Variants in ZNF106 observed in about 807,000 individuals in gnomAD.
ZNF106 encodes SH3-domain binding protein 3.
Under a neutral mutation model 195.1 loss-of-function variants are expected in ZNF106, and 67 were observed. That is an observed-to-expected ratio of 0.34 (90% CI 0.28 to 0.42). The LOEUF (loss-of-function observed/expected upper bound fraction) is 0.42. Ranked by LOEUF, ZNF106 falls within the 10% of genes least tolerant of loss-of-function variation. ZNF106 has a pLI of 1.00. For synonymous variants in ZNF106, 784 were observed against 818.6 expected, an observed-to-expected ratio of 0.96 and a Z score of 0.72; for missense variants, 2,118 against 2,304.5, an observed-to-expected ratio of 0.92 and a Z score of 1.66.
intron 7 of ZNF106, among the ~76,000 whole-genome samples, chr15:42,445,679 T>C (rs2055746217): frequency 6.6e-6 from 1 of 152,198 alleles, no homozygotes; most frequent in African/African-American, 2.4e-5. Flanking sequence ...CTATTCTCAA[T>C]CTGCTCCTCT....
In ZNF106 at chr15:42,417,948, G is replaced by A; in HGVS notation, c.5521C>T (p.His1841Tyr). 1.2e-6 allele frequency: 2 copies of A among 1,611,762 alleles called. No individual in the cohort carries two copies. The highest frequency in any genetic ancestry group is 1.7e-6 in the Non-Finnish European group (2 of 1,179,048). Residue 1841 changes from histidine to tyrosine, a missense_variant, in exon 21 of 22, where the codon CAT becomes TAT. By Grantham distance (83) the His-to-Tyr change is moderately conservative. Coordinates refer to ENST00000564754, the MANE Select transcript of ZNF106 (RefSeq NM_001366845.3). The part of the protein sequence containing the change: ...NLMQNYRCWW[H>Y]GCSLIFGVVD... ...ACGCCAAATATCAGAGAGCAACCAT[G>A]CCACTGGAGAGAAAGAAAATGAGGA...
intron 1 of ZNF106, among the ~76,000 whole-genome samples, chr15:42,483,088 C>T (rs1200855459): frequency 6.6e-6 from 1 of 152,136 alleles, no homozygotes; most frequent in Non-Finnish European, 1.5e-5. Context: ...TCAGGGCCTG[C>T]CCTAAAGTTA....
intron 3 of ZNF106, among the ~76,000 whole-genome samples, chr15:42,464,209 G>A (rs939793479): frequency 2.7e-5 from 4 of 147,250 alleles, no homozygotes; most frequent in Non-Finnish European, 6.1e-5. Context: ...ATGTGGTGAC[G>A]CACGCCTGTA....
chr15:42,428,846 C>T (rs1028825389), intron 14 of ZNF106, among the ~76,000 whole-genome samples: 12 of 152,204 alleles, frequency 7.9e-5, no homozygotes, highest in African/African-American at 2.9e-4. Context: ...TCACTGCAAG[C>T]TCCACCTCCC....
intron 11 of ZNF106, 118 bp from the exon 12 acceptor site, chr15:42,438,785 G>T: frequency 1.0e-6 from 1 of 962,034 alleles, no homozygotes; most frequent in Non-Finnish European, 1.6e-6. Flanking sequence ...AATGATATAA[G>T]AGATTAGATT....
rs1290203323 is a variant in ZNF106, at chr15:42,449,971, T to C, written c.2301A>G (p.Val767=). Residue 767 remains valine, a synonymous_variant, in exon 5 of 22, where the codon GTA becomes GTG. Transcript: ENST00000564754. The part of the protein sequence containing the change: ...RHISLKSKTG[V]HLPEPNLNSA... ...TATTGAGGTTTGGCTCAGGAAGGTG[T>C]ACTCCAGTTTTGCTCTTCAAACTAA... 3 of 1,614,086 alleles carry C rather than the reference T, an allele frequency of 1.9e-6. No individual in the cohort carries two copies. The highest frequency in any genetic ancestry group is 2.7e-5 in the African/African-American group (2 of 74,936).
In ZNF106 at chr15:42,477,208, A is replaced by G. The variant is rs2141436921; in HGVS notation, c.-32-4887T>C. Reference sequence around the variant, plus strand: ...CTTTATTACCTTTCATTTAACATACATTGGGTTTATTTTGTTCTTCATTTA... The same window carrying G: ...CTTTATTACCTTTCATTTAACATACGTTGGGTTTATTTTGTTCTTCATTTA... On this transcript the variant is annotated intron_variant, in intron 1 of 21. Coordinates refer to ENST00000564754, the MANE Select transcript of ZNF106 (RefSeq NM_001366845.3). Among the ~76,000 whole-genome samples, 2 of 152,198 alleles carry G rather than the reference A, an allele frequency of 1.3e-5. 1 individual carries two copies. The highest frequency in any genetic ancestry group is 4.1e-4 in the South Asian group (2 of 4,824).
At chr15:42,445,120 AT>A in intron 7 of ZNF106, 139 bp from the exon 8 acceptor site, 1 of 1,046,470 alleles carries the variant, frequency 9.6e-7, no homozygotes, top group Non-Finnish European at 1.4e-6. Context: ...TTCATAAAAC[AT>A]TTAGTCAAGC....
At position 42,451,829 on chromosome 15, in the gene ZNF106, C is replaced by A. The variant is rs1453093724; in HGVS notation, c.443G>T (p.Arg148Leu). ...ESYSQPAWHH[R>L]GPPQRDWKWE... The stretch of plus-strand genomic sequence containing the variant: ...TTTCCAATCCCGCTGTGGAGGTCCA[C>A]GATGATGCCATGCAGGCTGACTGTA... Residue 148 changes from arginine (R) to leucine (L), a missense_variant, in exon 5 of 22, where the codon CGT (arginine) becomes CTT (leucine). Physicochemically the swap from Arg to Leu is moderately radical, Grantham distance 102. Coordinates refer to ENST00000564754, the MANE Select transcript of ZNF106 (RefSeq NM_001366845.3). The A allele has an allele frequency of 1.2e-6, 2 of 1,614,056 alleles. No homozygotes were observed. Among genetic ancestry groups the A allele is most frequent in the Admixed American group, 1.7e-5 (1 of 60,010 alleles).
In ZNF106 at chr15:42,424,055, C is replaced by G. The variant is rs149423814; in HGVS notation, c.5196G>C (p.Val1732=). 1 of 1,612,576 alleles carries G rather than the reference C, an allele frequency of 6.2e-7. No homozygotes were observed. The highest frequency in any genetic ancestry group is 1.3e-5 in the African/African-American group (1 of 74,858). ...TGGAGCCACTGAACACGAGATCATT[C>G]ACCACCTTAAAGAAAAAATTAAACA... is the stretch of plus-strand genomic sequence containing the variant. ...HSKTILCMKV[V]NDLVFSGSSD... is the part of the protein sequence containing the mutation. Residue 1732 remains valine, a synonymous_variant, in exon 17 of 22, where the codon GTG becomes GTC. Coordinates refer to ENST00000564754, the MANE Select transcript of ZNF106 (RefSeq NM_001366845.3).
At chr15:42,464,649 G>T (rs2056472829) in intron 3 of ZNF106, among the ~76,000 whole-genome samples, 1 of 150,722 alleles carries the variant, frequency 6.6e-6, no homozygotes, top group Non-Finnish European at 1.5e-5. Context: ...ACCTCAGGCT[G>T]ATGAGTAGCT....
In ZNF106 at chr15:42,444,198, A is replaced by G; in HGVS notation, c.3421+4T>C. 6.2e-7 allele frequency: 1 copy of G among 1,606,844 alleles called. No individual in the cohort carries two copies. Among genetic ancestry groups the G allele is most frequent in the Non-Finnish European group, 8.5e-7 (1 of 1,175,510 alleles). ...GCCCAATCCATCAGATGCCCTCTGAATACCTTGTAATCCCTGTAGAATCTG... is the reference window on the plus strand; with the variant it reads ...GCCCAATCCATCAGATGCCCTCTGAGTACCTTGTAATCCCTGTAGAATCTG... On this transcript the variant is annotated splice_donor_region_variant and intron_variant, in intron 9 of 21. Transcript: ENST00000564754.
At chr15:42,421,162 C>T in intron 19 of ZNF106, 30 bp from the exon 20 acceptor site, 1 of 1,595,068 alleles carries the variant, frequency 6.3e-7, no homozygotes, top group Non-Finnish European at 8.6e-7. Context: ...TAATATCAGA[C>T]CAAAATACAT....
chr15:42,425,020 G>T lies in ZNF106; in HGVS notation c.5004C>A (p.Asn1668Lys). The T allele has an allele frequency of 6.2e-7, 1 of 1,613,236 alleles. No individual in the cohort carries two copies. Residue 1668 changes from asparagine to lysine, a missense_variant, in exon 16 of 22, where the codon AAC becomes AAA. Transcript: ENST00000564754. ...GTVVTFNIKNNKRLEIFECHG... is the reference protein window; with the variant it reads ...GTVVTFNIKNKKRLEIFECHG... ...GGCATTCAAAGATCTCAAGTCGTTTGTTGTTCTGGAAAATAAGCCAAGATT... is the reference window on the plus strand; with the variant it reads ...GGCATTCAAAGATCTCAAGTCGTTTTTTGTTCTGGAAAATAAGCCAAGATT...
At chr15:42,463,252 G>A (rs1053911383) in intron 3 of ZNF106, among the ~76,000 whole-genome samples, 1 of 152,072 alleles carries the variant, frequency 6.6e-6, no homozygotes, top group Admixed American at 6.6e-5. Flanking sequence ...AGGGTGGCAG[G>A]TAAGTCACCC....
At chr15:42,482,587 G>A (rs1417930622) in intron 1 of ZNF106, among the ~76,000 whole-genome samples, 1 of 137,822 alleles carries the variant, frequency 7.3e-6, no homozygotes, top group Non-Finnish European at 1.5e-5. Context: ...GGAGTGCAGT[G>A]GCACGATCTC....
At position 42,428,863 on chromosome 15, in the gene ZNF106, ACACC is replaced by A. The variant is rs1450497181; in HGVS notation, c.4882-733_4882-730del. Among the ~76,000 whole-genome samples, 184 of 151,438 alleles carry A rather than the reference ACACC, an allele frequency of 1.2e-3. 1 individual carries two copies. Among genetic ancestry groups the A allele is most frequent in the African/African-American group, 4.3e-3 (176 of 40,872 alleles). On this transcript the variant is annotated intron_variant, in intron 14 of 21. Transcript: ENST00000564754. ...ACTGCAAGCTCCACCTCCCCGGTTCACACCATTCTCCTGCCTCAGCCTCCCGAGT... is the reference window on the plus strand; with the variant it reads ...ACTGCAAGCTCCACCTCCCCGGTTCAATTCTCCTGCCTCAGCCTCCCGAGT...
intron 3 of ZNF106, among the ~76,000 whole-genome samples, chr15:42,461,818 C>T (rs576494335): frequency 6.6e-6 from 1 of 152,290 alleles, no homozygotes; most frequent in Admixed American, 6.5e-5. Context: ...TAATCACAAA[C>T]TCAGGATAAC....
chr15:42,448,390 A>C lies in ZNF106; in HGVS notation c.2817T>G (p.Pro939=), dbSNP rs201613222. 6.2e-7 allele frequency: 1 copy of C among 1,614,114 alleles called. No individual in the cohort carries two copies. Among genetic ancestry groups the C allele is most frequent in the Non-Finnish European group, 8.5e-7 (1 of 1,180,022 alleles). The change falls in exon 6 of 22, where the codon CCT becomes CCG. Residue 939 remains proline (P), a synonymous_variant. Coordinates refer to ENST00000564754, the MANE Select transcript of ZNF106 (RefSeq NM_001366845.3). The stretch of plus-strand genomic sequence containing the variant: ...CACCTGTTCGGAGGGAGGCAGCCCG[A>C]GGTGTCACTTCTTGTTTGAGGTGCA... ...ATMHLKQEVT[P]RAASLRTGER...
Sources: allele counts gnomAD v4.1 joint callset (sites outside exome capture counted in the v4.1 genomes callset), GRCh38; gene constraint gnomAD v4.1.1; transcripts MANE v1.5; gene names NCBI Gene and HGNC (gene_info 2026-07-23, HGNC 2026-07-21).